NBPF26: variants seen among roughly 807,000 people sequenced by gnomAD.
The protein encoded by NBPF26 is NBPF member 26.
In NBPF26, 79 loss-of-function variants were observed where a neutral mutation model predicts 119.6. The ratio of observed to expected loss-of-function variants is 0.66; its 90% CI spans 0.55 to 0.80. NBPF26 has a LOEUF of 0.80. NBPF26 is among the 30% of genes least tolerant of loss of function. The pLI, the probability that NBPF26 is intolerant of heterozygous loss-of-function variation, is 0.00. For synonymous variants in NBPF26, 299 were observed against 457.7 expected (o/e 0.65, Z 4.43); for missense variants, 800 against 1,198.2 (o/e 0.67, Z 4.91).
chr1:120,808,444 A>G (rs1651763997), intron 6 of NBPF26, 101 bp from the exon 7 acceptor site: 8 of 1,084,586 alleles, frequency 7.4e-6, no homozygotes, highest in Non-Finnish European at 1.1e-5. Context: ...TTCTGTTTCA[A>G]GGTCTCCTTG....
chr1:120,811,473 C>A lies in NBPF26; in HGVS notation c.1565-413C>A, dbSNP rs1553270974. Among the ~76,000 whole-genome samples the A allele has an allele frequency of 1.3e-3, 144 of 110,578 alleles. 55 individuals are homozygous for A. Among genetic ancestry groups the A allele is most frequent in the African/African-American group, 7.0e-3 (132 of 18,816 alleles). 72.5% of individuals were successfully genotyped at this position (110,578 alleles called of 152,430 possible). ...GGGATGAGAATCACTTGAACCCGGG[C>A]GGCAGAGGTGGCAGTGAGCTGAGAT... On this transcript the variant is annotated intron_variant, in intron 9 of 29. Coordinates refer to ENST00000620612, the Ensembl canonical transcript of NBPF26.
chr1:120,747,752 C>G lies in NBPF26; in HGVS notation c.74-15876C>G, dbSNP rs1258474391. Among the ~76,000 whole-genome samples the G allele has an allele frequency of 6.6e-5, 2 of 30,112 alleles. 1 individual carries two copies. Among genetic ancestry groups the G allele is most frequent in the Non-Finnish European group, 1.2e-4 (2 of 16,940 alleles). The allele number at this position is 30,112 out of a possible 152,430, so 19.8% of individuals were successfully genotyped here. A position where few individuals can be genotyped will look rare whatever the true frequency, so the allele number is the denominator to read the frequency against. On this transcript the variant is annotated intron_variant, in intron 1 of 29. Coordinates refer to ENST00000620612, the Ensembl canonical transcript of NBPF26. ...GATACGCACACCTAATTTTGCAGACCACTGGTCCAGAATGTAAATTGAAGA... is the reference window on the plus strand; with the variant it reads ...GATACGCACACCTAATTTTGCAGACGACTGGTCCAGAATGTAAATTGAAGA...
chr1:120,840,271 T>C lies in NBPF26; in HGVS notation c.4104-79T>C. The C allele has an allele frequency of 3.5e-6, 5 of 1,441,820 alleles. 2 individuals are homozygous for C. The highest frequency in any genetic ancestry group is 4.6e-6 in the Non-Finnish European group (5 of 1,080,592). 89.3% of individuals were successfully genotyped at this position (1,441,820 alleles called of 1,614,324 possible). On this transcript the variant is annotated intron_variant, in intron 29 of 29. Transcript: ENST00000620612. ...TTTTTCTTTTCTAACCACTTCCTTA[T>C]GTTACTTCTGAAATCTAGTGGGGCT...
At chr1:120,825,320 C>A (rs1422511035) in intron 18 of NBPF26, among the ~76,000 whole-genome samples, 194 bp from the exon 20 acceptor site, 5 of 122,392 alleles carry the variant, frequency 4.1e-5, no homozygotes, top group Middle Eastern at 3.5e-3. Flanking sequence ...CTCTCCCTCT[C>A]CCTGTCTTTC....
chr1:120,793,587 C>T lies in NBPF26; in HGVS notation c.751+91C>T. On this transcript the variant is annotated intron_variant, in intron 4 of 29. Transcript: ENST00000620612. ...GCTCAATTGCATTTTTTAGGAAGCG[C>T]AAGGAAAAAGGGAAGTGAGAATTTT... is the stretch of plus-strand genomic sequence containing the variant. The T allele has an allele frequency of 7.0e-6, 7 of 1,001,568 alleles. 1 individual carries two copies. In the South Asian group the frequency reaches 1.0e-4, roughly 15 times the overall value. 62.0% of individuals were successfully genotyped at this position (1,001,568 alleles called of 1,614,324 possible). A position where few individuals can be genotyped will look rare whatever the true frequency, so the allele number is the denominator to read the frequency against.
At chr1:120,817,188 C>G (rs1297256223) in intron 14 of NBPF26, among the ~76,000 whole-genome samples, 1 of 116,848 alleles carries the variant, frequency 8.6e-6, no homozygotes, top group Non-Finnish European at 1.6e-5. Flanking sequence ...AGGAAGCTGG[C>G]AGCCTTGCCT....
rs1419557940 is a variant in NBPF26, at chr1:120,785,156, G to C, written c.338G>C (p.Arg113Pro). The change falls in exon 3 of 30, where the codon CGA becomes CCA. Residue 113 changes from arginine to proline, a missense_variant. Arg to Pro is a moderately radical substitution (Grantham distance 103). This residue lies in a region of NBPF26 where 209 missense variants were observed against 285.2 expected (regional missense o/e 0.73). Coordinates refer to ENST00000620612, the Ensembl canonical transcript of NBPF26. ...ACACCTCATCCATGCTTTGTGTCTC[G>C]ACCTTGCCTGAATGGCGGCACATGC... 5 of 1,446,296 alleles carry C rather than the reference G, an allele frequency of 3.5e-6. 2 individuals carry two copies. In the African/African-American group the frequency reaches 1.0e-4, roughly 30 times the overall value. The allele number at this position is 1,446,296 out of a possible 1,614,324, so 89.6% of individuals were successfully genotyped here. A position where few individuals can be genotyped will look rare whatever the true frequency, so the allele number is the denominator to read the frequency against.
rs1390521232 is a variant in NBPF26, at chr1:120,770,718, G to T, written c.155+7009G>T. ...TGTAGCTAACCTGAGATATACTCGT[G>T]GAAAATGTACTGTCACCTTGAGTCT... On this transcript the variant is annotated intron_variant, in intron 2 of 29. Transcript: ENST00000620612. Among the ~76,000 whole-genome samples, 2 of 119,420 alleles carry T rather than the reference G, an allele frequency of 1.7e-5. 1 individual carries two copies. Among genetic ancestry groups the T allele is most frequent in the Non-Finnish European group, 3.3e-5 (2 of 61,472 alleles). 78.3% of individuals were successfully genotyped at this position (119,420 alleles called of 152,430 possible).
rs1179162218 is a variant in NBPF26, at chr1:120,819,051, A to G, written c.2423+877A>G. Among the ~76,000 whole-genome samples, 5 of 122,150 alleles carry G rather than the reference A, an allele frequency of 4.1e-5. 2 individuals are homozygous for G. Among genetic ancestry groups the G allele is most frequent in the Non-Finnish European group, 8.3e-5 (5 of 60,434 alleles). 80.1% of individuals were successfully genotyped at this position (122,150 alleles called of 152,430 possible). A position where few individuals can be genotyped will look rare whatever the true frequency, so the allele number is the denominator to read the frequency against. On this transcript the variant is annotated intron_variant, in intron 15 of 29. Transcript: ENST00000620612. ...GATATCCTTGTTAAGCTTCTGTCTC[A>G]TTGATCTGTTTAATATTGACAGTGG...
intron 1 of NBPF26, 99 bp downstream of exon 1, chr1:120,724,349 C>T: frequency 7.4e-7 from 1 of 1,354,608 alleles, no homozygotes. Context: ...GAAGGCCAGG[C>T]TCGGCCGCCG....
rs1246028212 is a variant in NBPF26, at chr1:120,818,533, ATTTG to A, written c.2423+364_2423+367del. 3.2e-5 allele frequency among the ~76,000 whole-genome samples: 4 copies of A among 124,692 alleles called. 2 individuals are homozygous for A. The highest frequency in any genetic ancestry group is 6.5e-5 in the Non-Finnish European group (4 of 61,078). The allele number at this position is 124,692 out of a possible 152,430, so 81.8% of individuals were successfully genotyped here. The stretch of plus-strand genomic sequence containing the variant: ...CTTCTTGTCTTCTGCTAGCTTTTGA[ATTTG>A]TTTGCTTTGCTTCTCTCGTTATTTT... On this transcript the variant is annotated intron_variant, in intron 15 of 29. Transcript: ENST00000620612.
exon 9 of NBPF26, chr1:120,810,491 C>T: frequency 6.4e-7 from 1 of 1,562,300 alleles, no homozygotes; most frequent in Non-Finnish European, 8.6e-7. Context: ...ACGAAGTCAA[C>T]TCAACTCTGG....
intron 7 of NBPF26, among the ~76,000 whole-genome samples, chr1:120,809,387 C>T (rs1207095809): frequency 6.7e-6 from 1 of 149,458 alleles, no homozygotes; most frequent in Admixed American, 6.7e-5. Flanking sequence ...CATGGAGGGC[C>T]TGTGCAGTCT....
At chr1:120,823,879 T>C (rs1652194704) in intron 17 of NBPF26, 95 bp from the exon 18 acceptor site, 6 of 514,656 alleles carry the variant, frequency 1.2e-5, no homozygotes, top group South Asian at 1.1e-4. Flanking sequence ...CTTTTTCTTT[T>C]CAAACTCTTC....
At position 120,807,832 on chromosome 1, in the gene NBPF26, G is replaced by C. The variant is rs1459289903; in HGVS notation, c.1064+123G>C. 3 of 533,098 alleles carry C rather than the reference G, an allele frequency of 5.6e-6. 1 individual carries two copies. In the African/African-American group the frequency reaches 9.8e-5, roughly 17 times the overall value. The allele number at this position is 533,098 out of a possible 1,614,324, so 33.0% of individuals were successfully genotyped here. A position where few individuals can be genotyped will look rare whatever the true frequency, so the allele number is the denominator to read the frequency against. On this transcript the variant is annotated intron_variant, in intron 6 of 29. Transcript: ENST00000620612. Reference sequence around the variant, plus strand: ...GGAAGGGCAGGAATTGCCATGGCAGGCTCGCTACACACAAATATTTATCAA... The same window carrying C: ...GGAAGGGCAGGAATTGCCATGGCAGCCTCGCTACACACAAATATTTATCAA...
intron 2 of NBPF26, among the ~76,000 whole-genome samples, chr1:120,781,730 A>T (rs1651363611): frequency 9.3e-6 from 1 of 107,056 alleles, no homozygotes; most frequent in Non-Finnish European, 1.8e-5. Context: ...CGCCTGGCTA[A>T]TTTTTTATAT....
Position 120,811,915 on chromosome 1 carries a change from G to A in NBPF26, c.1594G>A (p.Val532Ile), listed in dbSNP as rs1651878391. 1.7e-5 allele frequency: 18 copies of A among 1,083,434 alleles called. 4 individuals carry two copies. Among genetic ancestry groups the A allele is most frequent in the Admixed American group, 8.1e-5 (4 of 49,650 alleles). The allele number at this position is 1,083,434 out of a possible 1,614,324, so 67.1% of individuals were successfully genotyped here. ...TGGCCCCACCTCTTCTGCCACAAAC[G>A]TCAGCATGGTGGTATCAGCCGGCCC... is the stretch of plus-strand genomic sequence containing the variant. Residue 532 changes from valine (V) to isoleucine (I), a missense_variant, in exon 10 of 30, where the codon GTC becomes ATC. Val to Ile is a conservative substitution (Grantham distance 29). Coordinates refer to ENST00000620612, the Ensembl canonical transcript of NBPF26.
rs1353881293 is a variant in NBPF26 at position 120,814,707 on chromosome 1, A to T, written c.1878-122A>T. On this transcript the variant is annotated intron_variant, in intron 11 of 29. Transcript: ENST00000620612. Reference sequence around the variant, plus strand: ...CTTGGCCACAGACATTCCTTTAAACATGTGCTGACCTTCTGCTTCGAGGTC... The same window carrying T: ...CTTGGCCACAGACATTCCTTTAAACTTGTGCTGACCTTCTGCTTCGAGGTC... 8 of 643,530 alleles carry T rather than the reference A, an allele frequency of 1.2e-5. 2 individuals are homozygous for T. Among genetic ancestry groups the T allele is most frequent in the Non-Finnish European group, 2.2e-5 (8 of 361,256 alleles). The allele number at this position is 643,530 out of a possible 1,614,324, so 39.9% of individuals were successfully genotyped here. A position where few individuals can be genotyped will look rare whatever the true frequency, so the allele number is the denominator to read the frequency against.
In NBPF26 at chr1:120,756,141, G is replaced by A. The variant is rs1284177110; in HGVS notation, c.74-7487G>A. ...AAAGTTTTGTTTGAAATTGCAGGGC[G>A]CTATGAGAATTATTGCAAATCCCTG... On this transcript the variant is annotated intron_variant, in intron 1 of 29. Coordinates refer to ENST00000620612, the Ensembl canonical transcript of NBPF26. Among the ~76,000 whole-genome samples the A allele has an allele frequency of 3.5e-5, 4 of 113,288 alleles. 1 individual carries two copies. Among genetic ancestry groups the A allele is most frequent in the Non-Finnish European group, 6.7e-5 (4 of 59,950 alleles). 74.3% of individuals were successfully genotyped at this position (113,288 alleles called of 152,430 possible).
Sources: allele counts gnomAD v4.1 joint callset (sites outside exome capture counted in the v4.1 genomes callset), GRCh38; gene constraint gnomAD v4.1.1; regional missense constraint gnomAD v4.1.1; transcripts MANE v1.5; gene names NCBI Gene and HGNC (gene_info 2026-07-23, HGNC 2026-07-21).